LAMA3: variants seen among roughly 807,000 people sequenced by gnomAD.
LAMA3 encodes laminin subunit alpha 3, also known as laminin subunit alpha-3.
LAMA3 carries 281 observed loss-of-function variants against 402.0 expected under a neutral mutation model. That is an observed-to-expected ratio of 0.70 (90% CI 0.63 to 0.77). The LOEUF is 0.77. Among genes scored for constraint, LAMA3 ranks in the 30% least tolerant of loss-of-function variants. The pLI is 0.00. For synonymous variants in LAMA3, 1,431 were observed against 1,558.4 expected (o/e 0.92, Z 1.93); for missense variants, 3,840 against 4,215.5 (o/e 0.91, Z 2.47).
intron 60 of LAMA3, 40 bp downstream of exon 60, chr18:23,916,735 C>T: frequency 6.2e-7 from 1 of 1,603,414 alleles, no homozygotes; most frequent in Non-Finnish European, 8.5e-7. Flanking sequence ...CAAATATATT[C>T]ATTCTGTTTA....
chr18:23,694,736 G>C (rs962402142), intron 1 of LAMA3, among the ~76,000 whole-genome samples: 2 of 152,166 alleles, frequency 1.3e-5, no homozygotes, highest in African/African-American at 2.4e-5. Context: ...ACTTTGCGTT[G>C]CCTTGCTAAT....
intron 2 of LAMA3, among the ~76,000 whole-genome samples, chr18:23,742,258 A>C (rs2061576358): frequency 6.6e-6 from 1 of 152,230 alleles, no homozygotes; most frequent in Non-Finnish European, 1.5e-5. Context: ...ACTGTGGGAC[A>C]TTTTGGACTG....
chr18:23,760,313 T>A (rs1225536094), intron 7 of LAMA3, among the ~76,000 whole-genome samples: 1 of 152,214 alleles, frequency 6.6e-6, no homozygotes, highest in Non-Finnish European at 1.5e-5. Context: ...ACAGACTTCT[T>A]AACTGATGTA....
chr18:23,736,829 G>A (rs759994797), intron 2 of LAMA3, among the ~76,000 whole-genome samples: 5 of 152,162 alleles, frequency 3.3e-5, no homozygotes, highest in Non-Finnish European at 4.4e-5. Flanking sequence ...AAGGTGTGCA[G>A]GGGAAGACCT....
chr18:23,743,197 T>C (rs1161540883), intron 2 of LAMA3, among the ~76,000 whole-genome samples: 2 of 152,238 alleles, frequency 1.3e-5, no homozygotes, highest in African/African-American at 2.4e-5. Context: ...TTCTTAAATA[T>C]CTTTTTTGAT....
intron 64 of LAMA3, among the ~76,000 whole-genome samples, chr18:23,929,572 G>A (rs370875725): frequency 2.7e-5 from 4 of 150,824 alleles, no homozygotes; most frequent in South Asian, 2.1e-4. Context: ...TAGGAAGGCC[G>A]CCCCTCTCTT....
chr18:23,853,679 G>T (rs899516601), intron 32 of LAMA3, among the ~76,000 whole-genome samples: 2 of 152,176 alleles, frequency 1.3e-5, no homozygotes, highest in Non-Finnish European at 2.9e-5. Context: ...CGTTTGGCCA[G>T]GAGCCCCATT....
rs774150873 is a variant in LAMA3 at position 23,954,643 on chromosome 18, C to T, written c.9997C>T (p.Gln3333Ter). 3 of 1,614,026 alleles carry T rather than the reference C, an allele frequency of 1.9e-6. No homozygotes were observed. The highest frequency in any genetic ancestry group is 2.5e-6 in the Non-Finnish European group (3 of 1,179,968). ...GPVSLNGCPD[Q>*] is the part of the protein sequence containing the mutation. ...TGTCAGTCTGAATGGTTGTCCTGAC[C>T]AGTAACCCAAGCCTATTTCACAGCA... The change falls in exon 75 of 75, where the codon CAG becomes TAG. Residue 3333 changes from glutamine (Q) to a stop codon, truncating the protein, a stop_gained. Coordinates refer to ENST00000313654, the MANE Select transcript of LAMA3 (RefSeq NM_198129.4). LOFTEE classifies it high-confidence loss of function.
chr18:23,815,458 T>C lies in LAMA3; in HGVS notation c.1942-10T>C. The C allele has an allele frequency of 6.2e-7, 1 of 1,607,778 alleles. No homozygotes were observed. The highest frequency in any genetic ancestry group is 8.5e-7 in the Non-Finnish European group (1 of 1,174,196). On this transcript the variant is annotated splice_polypyrimidine_tract_variant and intron_variant, in intron 16 of 74. Coordinates refer to ENST00000313654, the MANE Select transcript of LAMA3 (RefSeq NM_198129.4). Reference sequence around the variant, plus strand: ...TATCAAATGTTGTCATCTGGCTCACTGTTCTGCAGGGAGATGGTGACTGTC... The same window carrying C: ...TATCAAATGTTGTCATCTGGCTCACCGTTCTGCAGGGAGATGGTGACTGTC...
chr18:23,694,944 T>C (rs904701653), intron 1 of LAMA3, among the ~76,000 whole-genome samples: 6 of 152,228 alleles, frequency 3.9e-5, no homozygotes, highest in Non-Finnish European at 8.8e-5. Flanking sequence ...TCAATGCTTT[T>C]TGAAGAAATA....
In LAMA3 at chr18:23,752,362, AT is replaced by A. The variant is rs1341894043; in HGVS notation, c.855+1275del. Among the ~76,000 whole-genome samples the A allele has an allele frequency of 3.3e-5, 5 of 152,186 alleles. No individual in the cohort carries two copies. In the East Asian group the frequency reaches 9.7e-4, roughly 29 times the overall value. On this transcript the variant is annotated intron_variant, in intron 5 of 74. Transcript: ENST00000313654. ...TGGGGGTTGCAAGATTTGCAGTCAT[AT>A]ATATCTATGTATATTACTTTTCACT...
intron 1 of LAMA3, among the ~76,000 whole-genome samples, chr18:23,706,543 G>A (rs939563936): frequency 6.6e-6 from 1 of 152,140 alleles, no homozygotes; most frequent in African/African-American, 2.4e-5. Flanking sequence ...TAATGATGGT[G>A]ATGGTGAACA....
chr18:23,903,162 A>C (rs777624848), intron 49 of LAMA3, 37 bp downstream of exon 49: 1 of 1,251,758 alleles, frequency 8.0e-7, no homozygotes, highest in Non-Finnish European at 1.2e-6. Context: ...AAATCTAAAA[A>C]CATTTTAATT....
At chr18:23,691,660 C>T (rs1273054500) in intron 1 of LAMA3, among the ~76,000 whole-genome samples, 1 of 152,240 alleles carries the variant, frequency 6.6e-6, no homozygotes, top group Non-Finnish European at 1.5e-5. Flanking sequence ...CAACCTCCAC[C>T]TCCCAGGCCC....
intron 8 of LAMA3, among the ~76,000 whole-genome samples, chr18:23,765,573 T>C (rs1302388534): frequency 1.3e-5 from 2 of 152,138 alleles, no homozygotes; most frequent in African/African-American, 2.4e-5. Context: ...TTGTAACATA[T>C]GAAGATTCAA....
At chr18:23,915,932 G>T (rs1329557330) in intron 59 of LAMA3, among the ~76,000 whole-genome samples, 1 of 137,222 alleles carries the variant, frequency 7.3e-6, no homozygotes, top group Non-Finnish European at 1.5e-5. Context: ...CTTGAACTCG[G>T]GAGGTCAAGG....
chr18:23,702,788 C>A (rs2060814720), intron 1 of LAMA3, among the ~76,000 whole-genome samples: 1 of 152,180 alleles, frequency 6.6e-6, no homozygotes, highest in Non-Finnish European at 1.5e-5. Context: ...AGCTATTCCC[C>A]CTCTTCCTTG....
intron 32 of LAMA3, among the ~76,000 whole-genome samples, chr18:23,851,624 C>G (rs1200525064): frequency 6.6e-6 from 1 of 152,180 alleles, no homozygotes; most frequent in Admixed American, 6.5e-5. Context: ...TGTCTGCCTT[C>G]CTCCCTCTAT....
At chr18:23,858,915 C>A in intron 34 of LAMA3, 86 bp downstream of exon 34, 1 of 1,383,622 alleles carries the variant, frequency 7.2e-7, no homozygotes, top group Non-Finnish European at 1.0e-6. Flanking sequence ...CCTTGGCCTG[C>A]AGTGTTTTAA....
Sources: gnomAD v4.1 joint callset for allele counts (sites outside exome capture counted in the v4.1 genomes callset) on GRCh38, gnomAD v4.1.1 for gene constraint, MANE v1.5 for transcripts, NCBI Gene and HGNC (gene_info 2026-07-23, HGNC 2026-07-21) for gene names.